ABCA13: variants seen among roughly 807,000 people sequenced by gnomAD.
ABCA13 encodes ATP binding cassette subfamily A member 13.
Under a neutral mutation model 478.7 loss-of-function variants are expected in ABCA13, and 476 were observed. The ratio of observed to expected loss-of-function variants is 0.99; its 90% CI spans 0.92 to 1.07. The LOEUF (loss-of-function observed/expected upper bound fraction) is 1.07. ABCA13 is among the 50% of genes least tolerant of loss of function. ABCA13 has a pLI of 0.00. For synonymous variants in ABCA13, 2,252 were observed against 2,158.9 expected, an observed-to-expected ratio of 1.04 and a Z score of -1.20; for missense variants, 6,060 against 5,910.6, an observed-to-expected ratio of 1.03 and a Z score of -0.83.
intron 45 of ABCA13, among the ~76,000 whole-genome samples, chr7:48,473,165 C>T (rs1827698762): frequency 1.3e-5 from 2 of 152,292 alleles, no homozygotes; most frequent in South Asian, 4.1e-4. Flanking sequence ...ATTGGGGTCC[C>T]TCCCACAACA....
intron 12 of ABCA13, 26 bp from the exon 13 acceptor site, chr7:48,245,837 C>T: frequency 6.3e-7 from 1 of 1,593,492 alleles, no homozygotes; most frequent in East Asian, 2.2e-5. Flanking sequence ...AAATGTTACT[C>T]CTTCCCACTC....
rs906989628 is a variant in ABCA13, at chr7:48,171,504, G to A, written c.21G>A (p.Gln7=). ...CAGGCATGGGGCATGCCGGGTGCCA[G>A]TTCAAAGCCCTGCTGTGGAAGAATT... MGHAGC[Q]FKALLWKNWL... Residue 7 remains glutamine (Q), a synonymous_variant, in exon 1 of 62, where the codon CAG becomes CAA. Coordinates refer to ENST00000435803, the MANE Select transcript of ABCA13 (RefSeq NM_152701.5). The A allele has an allele frequency of 3.3e-6, 5 of 1,536,222 alleles. No homozygotes were observed. Among genetic ancestry groups the A allele is most frequent in the Admixed American group, 2.0e-5 (1 of 50,976 alleles).
At chr7:48,181,557 C>CTT (rs1554326030) in intron 1 of ABCA13, among the ~76,000 whole-genome samples, 1 of 146,568 alleles carries the variant, frequency 6.8e-6, no homozygotes, top group African/African-American at 2.5e-5. Flanking sequence ...AATGTTTTAT[C>CTT]TTTTTTTTTT....
intron 51 of ABCA13, among the ~76,000 whole-genome samples, chr7:48,511,410 C>G (rs947809871): frequency 1.3e-5 from 2 of 152,126 alleles, no homozygotes; most frequent in Admixed American, 1.3e-4. Context: ...GTGATGAAGA[C>G]AGCACTGCCC....
At chr7:48,442,443 T>G (rs17729827) in intron 42 of ABCA13, among the ~76,000 whole-genome samples, 4 of 152,090 alleles carry the variant, frequency 2.6e-5, no homozygotes, top group Non-Finnish European at 4.4e-5. Flanking sequence ...TTTCTTATGG[T>G]TATACATCTG....
chr7:48,287,095 C>T (rs1412178912), intron 19 of ABCA13, among the ~76,000 whole-genome samples: 1 of 152,044 alleles, frequency 6.6e-6, no homozygotes, highest in African/African-American at 2.4e-5. Context: ...GGGCTTTGCT[C>T]AGCCTGGGAA....
At chr7:48,602,705 G>A (rs1019863391) in intron 58 of ABCA13, among the ~76,000 whole-genome samples, 2 of 151,826 alleles carry the variant, frequency 1.3e-5, no homozygotes, top group African/African-American at 2.4e-5. Flanking sequence ...TTGGTTACGC[G>A]GGCTCTTTTT....
Position 48,410,671 on chromosome 7 carries a change from G to C in ABCA13, c.12222G>C (p.Thr4074=), listed in dbSNP as rs373563684. The change falls in exon 40 of 62, where the codon ACG becomes ACC. Residue 4074 remains threonine (T), a synonymous_variant. Coordinates refer to ENST00000435803, the MANE Select transcript of ABCA13 (RefSeq NM_152701.5). The part of the protein sequence containing the change: ...AYGQGLRLTL[T]RQPSVLEAHD... ...GCCAGGGGCTCCGCCTGACACTCACGAGGCAGGTAAGGAGTGCAACCATTC... is the reference window on the plus strand; with the variant it reads ...GCCAGGGGCTCCGCCTGACACTCACCAGGCAGGTAAGGAGTGCAACCATTC... 3 of 1,612,844 alleles carry C rather than the reference G, an allele frequency of 1.9e-6. No individual in the cohort carries two copies. Among genetic ancestry groups the C allele is most frequent in the African/African-American group, 2.7e-5 (2 of 75,062 alleles).
chr7:48,408,898 T>C (rs1392079969), intron 39 of ABCA13, among the ~76,000 whole-genome samples: 3 of 152,170 alleles, frequency 2.0e-5, no homozygotes, highest in African/African-American at 7.2e-5. Context: ...TATGTCTCCA[T>C]GTGTTCTCAT....
At chr7:48,460,522 C>T (rs533883750) in intron 43 of ABCA13, among the ~76,000 whole-genome samples, 3 of 152,082 alleles carry the variant, frequency 2.0e-5, no homozygotes, top group African/African-American at 4.8e-5. Flanking sequence ...AGAAGGACAC[C>T]GGTCATATTG....
intron 39 of ABCA13, among the ~76,000 whole-genome samples, chr7:48,410,002 G>A (rs149919307): frequency 6.7e-6 from 1 of 149,916 alleles, no homozygotes; most frequent in African/African-American, 2.4e-5. Context: ...GCTGAGGTGG[G>A]AGAATCGCTT....
At chr7:48,531,756 G>T (rs59872216) in intron 55 of ABCA13, among the ~76,000 whole-genome samples, 1 of 127,686 alleles carries the variant, frequency 7.8e-6, no homozygotes. Flanking sequence ...TTTTTTTTGC[G>T]GCTGTTGTAA....
chr7:48,378,448 G>T (rs145838275), intron 35 of ABCA13, among the ~76,000 whole-genome samples: 1 of 152,302 alleles, frequency 6.6e-6, no homozygotes, highest in East Asian at 1.9e-4. Flanking sequence ...TAATCTTTTG[G>T]AAGTACCTTG....
chr7:48,518,105 T>A (rs993805694), intron 52 of ABCA13, among the ~76,000 whole-genome samples: 1 of 152,192 alleles, frequency 6.6e-6, no homozygotes, highest in African/African-American at 2.4e-5. Flanking sequence ...TTTTACAGAT[T>A]TATTATTGAC....
intron 35 of ABCA13, among the ~76,000 whole-genome samples, chr7:48,382,039 T>C (rs895270906): frequency 2.0e-5 from 3 of 152,184 alleles, no homozygotes; most frequent in Non-Finnish European, 4.4e-5. Context: ...GCTGAGATGG[T>C]TTAATTAGCA....
chr7:48,498,954 G>A (rs1830503360), intron 48 of ABCA13, among the ~76,000 whole-genome samples: 1 of 152,072 alleles, frequency 6.6e-6, no homozygotes, highest in South Asian at 2.1e-4. Flanking sequence ...CTGAAGATAT[G>A]TAATATAAAA....
Position 48,314,229 on chromosome 7 carries a change from C to T in ABCA13, c.9682-3C>T. On this transcript the variant is annotated splice_region_variant and splice_polypyrimidine_tract_variant and intron_variant, in intron 25 of 61. Transcript: ENST00000435803. ...TTGCAATTTAGTTTTCTTATTTTCT[C>T]AGGTTTCACAAAATGTCCAGGCCAG... 6.2e-7 allele frequency: 1 copy of T among 1,605,294 alleles called. No individual in the cohort carries two copies. Among genetic ancestry groups the T allele is most frequent in the Non-Finnish European group, 8.5e-7 (1 of 1,178,102 alleles).
chr7:48,241,183 C>T lies in ABCA13; in HGVS notation c.1262+117C>T, dbSNP rs527336816. On this transcript the variant is annotated intron_variant, in intron 10 of 61. Coordinates refer to ENST00000435803, the MANE Select transcript of ABCA13 (RefSeq NM_152701.5). The stretch of plus-strand genomic sequence containing the variant: ...AAAACTACAGCTAAATAATGAATTT[C>T]TTGTTAGCAAATGGGAAATCAGAGG... 11 of 1,269,454 alleles carry T rather than the reference C, an allele frequency of 8.7e-6. No homozygotes were observed. In the African/African-American group the frequency reaches 1.6e-4, roughly 19 times the overall value. The allele number at this position is 1,269,454 out of a possible 1,614,324, so 78.6% of individuals were successfully genotyped here. A position where few individuals can be genotyped will look rare whatever the true frequency, so the allele number is the denominator to read the frequency against.
In ABCA13 at chr7:48,275,370, G is replaced by C. The variant is rs747140460; in HGVS notation, c.5704G>C (p.Glu1902Gln). 56 of 1,613,762 alleles carry C rather than the reference G, an allele frequency of 3.5e-5. No individual in the cohort carries two copies. The highest frequency in any genetic ancestry group is 4.5e-5 in the Non-Finnish European group (53 of 1,179,848). Residue 1902 changes from glutamate to glutamine, a missense_variant, in exon 17 of 62, where the codon GAG becomes CAG. Transcript: ENST00000435803. The part of the protein sequence containing the change: ...ELVDWNSILL[E>Q]LSEVFHVNIS... Reference sequence around the variant, plus strand: ...AGTGGACTGGAATTCTATTCTTCTGGAGCTCTCTGAAGTCTTCCATGTTAA... The same window carrying C: ...AGTGGACTGGAATTCTATTCTTCTGCAGCTCTCTGAAGTCTTCCATGTTAA...
Sources: allele counts gnomAD v4.1 joint callset (sites outside exome capture counted in the v4.1 genomes callset), GRCh38; gene constraint gnomAD v4.1.1; transcripts MANE v1.5; gene names NCBI Gene and HGNC (gene_info 2026-07-23, HGNC 2026-07-21).